L3MBTL1: variants seen among roughly 807,000 people sequenced by gnomAD.
The protein encoded by L3MBTL1 is L3MBTL histone methyl-lysine binding protein 1, also known as lethal(3)malignant brain tumor-like protein 1.
Under a neutral mutation model 105.3 loss-of-function variants are expected in L3MBTL1, and 75 were observed. The ratio of observed to expected loss-of-function variants is 0.71; its 90% CI spans 0.59 to 0.86. The LOEUF (loss-of-function observed/expected upper bound fraction) is 0.86. L3MBTL1 is among the 40% of genes least tolerant of loss of function. The probability of loss-of-function intolerance (pLI) is 0.00; values close to 1 mark genes in which losing one functional copy is unlikely to be tolerated. For missense variants in L3MBTL1, 1,069 were observed against 1,126.4 expected, an observed-to-expected ratio of 0.95 and a Z score of 0.73; for synonymous variants, 452 against 436.2, an observed-to-expected ratio of 1.04 and a Z score of -0.45.
intron 9 of L3MBTL1, among the ~76,000 whole-genome samples, chr20:43,529,813 G>A (rs2019231646): frequency 6.6e-6 from 1 of 152,210 alleles, no homozygotes; most frequent in African/African-American, 2.4e-5. Context: ...TGAGAGATAA[G>A]TTGTGAATAA....
Position 43,541,081 on chromosome 20 carries a change from A to C in L3MBTL1, c.2542A>C (p.Thr848Pro). Residue 848 changes from threonine to proline, a missense_variant, in exon 22 of 22, where the codon ACT (threonine) becomes CCT (proline). Physicochemically the swap from Thr to Pro is conservative, Grantham distance 38 (BLOSUM62 -1). Transcript: ENST00000418998. ...CCATTCACTCCTCTGCTCTCTACCCACTCATTTGCTTGCCAAACTTAGCTT... is the reference window on the plus strand; with the variant it reads ...CCATTCACTCCTCTGCTCTCTACCCCCTCATTTGCTTGCCAAACTTAGCTT... ...GVHSLLCSLP[T>P]HLLAKLSFAS... is the part of the protein sequence containing the mutation. 6.2e-7 allele frequency: 1 copy of C among 1,613,862 alleles called. No individual in the cohort carries two copies. The highest frequency in any genetic ancestry group is 8.5e-7 in the Non-Finnish European group (1 of 1,179,958).
At chr20:43,511,208 A>G (rs1006359707) in intron 1 of L3MBTL1, among the ~76,000 whole-genome samples, 2 of 152,308 alleles carry the variant, frequency 1.3e-5, no homozygotes, top group Admixed American at 1.3e-4. Context: ...ACATGGCACC[A>G]AGCCGGCCCC....
Position 43,541,872 on chromosome 20 carries a change from A to G in L3MBTL1, c.*744A>G. 1 of 985,448 alleles carries G rather than the reference A, an allele frequency of 1.0e-6. No individual in the cohort carries two copies. The highest frequency in any genetic ancestry group is 1.2e-6 in the Non-Finnish European group (1 of 829,912). The allele number at this position is 985,448 out of a possible 1,614,324, so 61.0% of individuals were successfully genotyped here. On this transcript the variant is annotated 3_prime_UTR_variant, in exon 22 of 22. Coordinates refer to ENST00000418998, the MANE Select transcript of L3MBTL1 (RefSeq NM_001377303.1). The stretch of plus-strand genomic sequence containing the variant: ...AAAATGACTGCTATGGTGGGAACAC[A>G]ATAAACACCAGTTTTGACTTTTAGT...
chr20:43,536,640 A>T (rs1425823969), intron 19 of L3MBTL1, among the ~76,000 whole-genome samples, 182 bp downstream of exon 19: 1 of 152,110 alleles, frequency 6.6e-6, no homozygotes, highest in Non-Finnish European at 1.5e-5. Flanking sequence ...GCCTTGAGTG[A>T]CCTTGGGTTC....
intron 15 of L3MBTL1, 31 bp downstream of exon 15, chr20:43,534,425 G>T (rs776872524): frequency 1.3e-6 from 2 of 1,572,680 alleles, no homozygotes. Flanking sequence ...CTGGGAAGTG[G>T]ACAGGCCAGT....
chr20:43,540,695 C>T, intron 20 of L3MBTL1, 58 bp from the exon 21 acceptor site: 1 of 1,532,738 alleles, frequency 6.5e-7, no homozygotes, highest in South Asian at 1.1e-5. Flanking sequence ...TGGAGGCCAG[C>T]TCTCCCTACA....
chr20:43,526,162 A>C (rs930681655), intron 7 of L3MBTL1, among the ~76,000 whole-genome samples: 1 of 152,228 alleles, frequency 6.6e-6, no homozygotes, highest in Non-Finnish European at 1.5e-5. Context: ...AAAGAGCAGC[A>C]GAGGCGCCTG....
chr20:43,535,735 G>A, intron 16 of L3MBTL1, 102 bp from the exon 17 acceptor site: 1 of 706,344 alleles, frequency 1.4e-6, no homozygotes, highest in Admixed American at 2.5e-5. Flanking sequence ...CTTGGGGAGT[G>A]GGTTTCTAGT....
chr20:43,525,866 G>C (rs2019006309), intron 7 of L3MBTL1, among the ~76,000 whole-genome samples: 1 of 152,226 alleles, frequency 6.6e-6, no homozygotes, highest in Admixed American at 6.5e-5. Context: ...TCTAGTACCA[G>C]ACATGGCACA....
rs765651351 is a variant in L3MBTL1, at chr20:43,520,665, A to G, written c.862+4488A>G. Reference sequence around the variant, plus strand: ...TGGCTAATGATGTTAGCATGTTTTCATGTGCTTATTTGCCATTTATATATT... The same window carrying G: ...TGGCTAATGATGTTAGCATGTTTTCGTGTGCTTATTTGCCATTTATATATT... On this transcript the variant is annotated intron_variant, in intron 7 of 21. Transcript: ENST00000418998. 2.4e-3 allele frequency among the ~76,000 whole-genome samples: 366 copies of G among 152,300 alleles called. 2 individuals carry two copies. The highest frequency in any genetic ancestry group is 1.7e-3 in the Non-Finnish European group (114 of 68,004).
At chr20:43,515,473 A>G (rs1411834517) in intron 6 of L3MBTL1, 58 bp downstream of exon 6, 2 of 1,522,482 alleles carry the variant, frequency 1.3e-6, no homozygotes, top group Middle Eastern at 1.8e-4. Context: ...CTCAATTCCC[A>G]CTGTCCCCTC....
chr20:43,521,984 T>A (rs919911714), intron 7 of L3MBTL1, among the ~76,000 whole-genome samples: 1 of 152,254 alleles, frequency 6.6e-6, no homozygotes, highest in Non-Finnish European at 1.5e-5. Context: ...CTTCACACTG[T>A]TCCTCTGAGC....
chr20:43,545,612 G>C (rs1978545835), downstream of L3MBTL1, among the ~76,000 whole-genome samples: 1 of 152,202 alleles, frequency 6.6e-6, no homozygotes, highest in Non-Finnish European at 1.5e-5. Flanking sequence ...GACTCCTTGA[G>C]AAAGGGGGAA....
At chr20:43,542,129 G>T (rs2019942863), downstream of L3MBTL1, among the ~76,000 whole-genome samples, 2 of 152,226 alleles carry the variant, frequency 1.3e-5, no homozygotes, top group African/African-American at 4.8e-5. Flanking sequence ...AGAATCACTT[G>T]AACTTGGAAG....
chr20:43,513,800 C>T (rs2018207233), intron 2 of L3MBTL1, 38 bp from the exon 3 acceptor site: 2 of 1,546,584 alleles, frequency 1.3e-6, no homozygotes, highest in Admixed American at 2.0e-5. Context: ...GGCCACTAGA[C>T]TCACCTGTGT....
chr20:43,535,833 T>A lies in L3MBTL1; in HGVS notation c.1826-4T>A. ...TGAGGACCGCCTCCTTTCTGCTCTT[T>A]TAGGACCCAGAGAGCCCAGCTCTGC... On this transcript the variant is annotated splice_polypyrimidine_tract_variant and splice_region_variant and intron_variant, in intron 16 of 21. Transcript: ENST00000418998. The A allele has an allele frequency of 5.7e-6, 9 of 1,578,636 alleles. No individual in the cohort carries two copies. The highest frequency in any genetic ancestry group is 7.7e-6 in the Non-Finnish European group (9 of 1,164,618).
chr20:43,530,943 C>A, intron 11 of L3MBTL1, 54 bp downstream of exon 11: 1 of 1,442,264 alleles, frequency 6.9e-7, no homozygotes, highest in Non-Finnish European at 9.6e-7. Context: ...GAGTTCACTG[C>A]AGCTGGCCCA....
At chr20:43,512,526 A>T (rs2018160288) in intron 1 of L3MBTL1, among the ~76,000 whole-genome samples, 1 of 152,144 alleles carries the variant, frequency 6.6e-6, no homozygotes, top group Non-Finnish European at 1.5e-5. Context: ...TCACTATTTA[A>T]ATTTAATTAA....
At chr20:43,536,870 A>G (rs2019657493) in intron 19 of L3MBTL1, among the ~76,000 whole-genome samples, 1 of 152,234 alleles carries the variant, frequency 6.6e-6, no homozygotes, top group African/African-American at 2.4e-5. Context: ...GTAACTGGAT[A>G]AAACCTGCCT....
Sources: allele counts gnomAD v4.1 joint callset (sites outside exome capture counted in the v4.1 genomes callset), GRCh38; gene constraint gnomAD v4.1.1; transcripts MANE v1.5; gene names NCBI Gene and HGNC (gene_info 2026-07-23, HGNC 2026-07-21).